The following KLF13 variants were observed in gnomAD, a reference collection of about 807,000 sequenced individuals.
KLF13 encodes KLF transcription factor 13.
KLF13 carries 8 observed loss-of-function variants against 16.7 expected under a neutral mutation model. That is an observed-to-expected ratio of 0.48 (90% CI 0.28 to 0.87). The LOEUF is 0.87. Among genes scored for constraint, KLF13 ranks in the 40% least tolerant of loss-of-function variants. The pLI, the probability that KLF13 is intolerant of heterozygous loss-of-function variation, is 0.10. For synonymous variants in KLF13, 245 were observed against 208.4 expected (o/e 1.18, Z -1.51); for missense variants, 447 against 452.2 (o/e 0.99, Z 0.10).
chr15:31,362,959 G>A (rs932172773), intron 1 of KLF13, among the ~76,000 whole-genome samples: 1 of 152,270 alleles, frequency 6.6e-6, no homozygotes, highest in Non-Finnish European at 1.5e-5. Flanking sequence ...AAGGACATGA[G>A]TTGTTTTCAG....
chr15:31,425,095 A>G (rs1246975593), intron 1 of KLF13, among the ~76,000 whole-genome samples: 4 of 152,168 alleles, frequency 2.6e-5, no homozygotes, highest in African/African-American at 7.2e-5. Context: ...TGAAAGACTT[A>G]TATACTGAAA....
At chr15:31,347,916 A>T (rs2039150728) in intron 1 of KLF13, among the ~76,000 whole-genome samples, 1 of 152,028 alleles carries the variant, frequency 6.6e-6, no homozygotes, top group Admixed American at 6.5e-5. Context: ...TGAAGGTGAC[A>T]CCCTCCTAAC....
At chr15:31,415,344 C>T (rs990920356) in intron 1 of KLF13, among the ~76,000 whole-genome samples, 5 of 152,198 alleles carry the variant, frequency 3.3e-5, no homozygotes, top group Admixed American at 2.6e-4. Flanking sequence ...AATGCATACT[C>T]TTCTCAAGTG....
At chr15:31,385,082 C>T (rs1279398563) in intron 1 of KLF13, among the ~76,000 whole-genome samples, 1 of 152,088 alleles carries the variant, frequency 6.6e-6, no homozygotes, top group East Asian at 1.9e-4. Context: ...CTCTCTCATC[C>T]ACATGAGGAT....
At chr15:31,366,592 A>G (rs1426208909) in intron 1 of KLF13, 1 of 152,358 alleles carries the variant, frequency 6.6e-6, no homozygotes, top group Admixed American at 6.5e-5. Context: ...TGTGTACCCC[A>G]TGCCCGGGTG....
chr15:31,430,011 A>G (rs60349856), intron 1 of KLF13, among the ~76,000 whole-genome samples: 19,946 of 151,992 alleles, frequency 0.13, 3,855 homozygotes, highest in African/African-American at 0.42. Context: ...GGGATTACAG[A>G]TATGAGCCAC....
rs907936819 is a variant in KLF13 at position 31,327,325 on chromosome 15, C to T, written c.113C>T (p.Ala38Val). The T allele has an allele frequency of 9.4e-6, 12 of 1,278,782 alleles. No homozygotes were observed. The highest frequency in any genetic ancestry group is 1.2e-5 in the Non-Finnish European group (12 of 1,016,776). The allele number at this position is 1,278,782 out of a possible 1,614,324, so 79.2% of individuals were successfully genotyped here. Reference sequence around the variant, plus strand: ...GGGCCGGAGTCCCGGCCCGAGGGCGCGGCCGTGGCCGCCACCCCCACGCTG... The same window carrying T: ...GGGCCGGAGTCCCGGCCCGAGGGCGTGGCCGTGGCCGCCACCCCCACGCTG... ...REGPESRPEGAAVAATPTLPR... is the reference protein window; with the variant it reads ...REGPESRPEGVAVAATPTLPR... Residue 38 changes from alanine (A) to valine (V), a missense_variant, in exon 1 of 2, where the codon GCG becomes GTG. Physicochemically the swap from Ala to Val is moderately conservative, Grantham distance 64. Transcript: ENST00000307145.
At chr15:31,413,206 A>AAAAAAAAAAAC (rs1566843740) in intron 1 of KLF13, among the ~76,000 whole-genome samples, 2 of 145,448 alleles carry the variant, frequency 1.4e-5, no homozygotes, top group Admixed American at 7.1e-5. Context: ...AAAAAAACAA[A>AAAAAAAAAAAC]AAACAAAAAA....
intron 1 of KLF13, among the ~76,000 whole-genome samples, chr15:31,418,889 C>T (rs1213925043): frequency 6.6e-6 from 1 of 152,140 alleles, no homozygotes; most frequent in Non-Finnish European, 1.5e-5. Context: ...GCTAGAAGAT[C>T]CCTTGTGCTC....
intron 1 of KLF13, among the ~76,000 whole-genome samples, chr15:31,359,344 T>A (rs1244264774): frequency 6.6e-6 from 1 of 152,212 alleles, no homozygotes; most frequent in Non-Finnish European, 1.5e-5. Flanking sequence ...TTTGTAACCC[T>A]TAGCAAAAGG....
At chr15:31,353,819 C>T (rs1012453764) in intron 1 of KLF13, among the ~76,000 whole-genome samples, 3 of 151,940 alleles carry the variant, frequency 2.0e-5, no homozygotes, top group South Asian at 2.1e-4. Flanking sequence ...CACCCTTCCC[C>T]TCTCTCACCG....
At chr15:31,360,692 G>A (rs1330650976) in intron 1 of KLF13, among the ~76,000 whole-genome samples, 1 of 152,140 alleles carries the variant, frequency 6.6e-6, no homozygotes, top group African/African-American at 2.4e-5. Flanking sequence ...AAAACAGACC[G>A]TTGTCTAATT....
intron 1 of KLF13, among the ~76,000 whole-genome samples, chr15:31,385,085 A>C (rs562174137): frequency 1.1e-4 from 17 of 152,282 alleles, no homozygotes; most frequent in African/African-American, 3.9e-4. Flanking sequence ...TCTCATCCAC[A>C]TGAGGATATA....
intron 1 of KLF13, among the ~76,000 whole-genome samples, chr15:31,332,724 T>C (rs562085018): frequency 2.0e-5 from 3 of 152,320 alleles, no homozygotes; most frequent in South Asian, 2.1e-4. Flanking sequence ...ACTTTACACA[T>C]AGCTTTAATC....
At chr15:31,422,146 A>AAAC (rs1566847562) in intron 1 of KLF13, among the ~76,000 whole-genome samples, 1 of 140,920 alleles carries the variant, frequency 7.1e-6, no homozygotes, top group African/African-American at 2.6e-5. Context: ...AAAAAAAAAA[A>AAAC]AAGAAAAAAG....
intron 1 of KLF13, among the ~76,000 whole-genome samples, chr15:31,371,137 C>T (rs144117942): frequency 6.6e-6 from 1 of 152,302 alleles, no homozygotes; most frequent in East Asian, 1.9e-4. Context: ...CTGGTTCTTC[C>T]TGAGCAGTTG....
chr15:31,332,096 C>T (rs190423747), intron 1 of KLF13, among the ~76,000 whole-genome samples: 2 of 152,012 alleles, frequency 1.3e-5, no homozygotes, highest in Admixed American at 6.5e-5. Flanking sequence ...GTAGTGGACT[C>T]TGGTGTGTGT....
intron 1 of KLF13, among the ~76,000 whole-genome samples, chr15:31,351,425 C>G (rs1311538011): frequency 6.6e-6 from 1 of 151,930 alleles, no homozygotes; most frequent in African/African-American, 2.4e-5. Flanking sequence ...CTTTAACATC[C>G]TGTTAGGCTC....
intron 1 of KLF13, among the ~76,000 whole-genome samples, chr15:31,334,315 G>A (rs910593723): frequency 4.1e-4 from 63 of 152,256 alleles, no homozygotes; most frequent in Non-Finnish European, 7.6e-4. Flanking sequence ...TAGGGCTGGG[G>A]AGGGCCTACG....
Sources: gnomAD v4.1 joint callset for allele counts (sites outside exome capture counted in the v4.1 genomes callset) on GRCh38, gnomAD v4.1.1 for gene constraint, MANE v1.5 for transcripts, NCBI Gene and HGNC (gene_info 2026-07-23, HGNC 2026-07-21) for gene names.